Variants in LMX1A observed in about 807,000 individuals in gnomAD.
The protein encoded by LMX1A is LIM homeobox transcription factor 1-alpha.
A neutral mutation model predicts 49.1 loss-of-function variants in LMX1A; 15 were observed. That is an observed-to-expected ratio of 0.31 (90% CI 0.20 to 0.47). The LOEUF (loss-of-function observed/expected upper bound fraction) is 0.47, where lower values mean the gene tolerates loss of function less well. LMX1A is among the 20% of genes least tolerant of loss of function. LMX1A has a pLI of 1.00. For missense variants in LMX1A, 372 were observed against 475.8 expected, an observed-to-expected ratio of 0.78 and a Z score of 2.03; for synonymous variants, 167 against 185.7, an observed-to-expected ratio of 0.90 and a Z score of 0.82.
At chr1:165,352,916 C>A (rs909601923) in intron 3 of LMX1A, among the ~76,000 whole-genome samples, 160 bp downstream of exon 3, 11 of 152,270 alleles carry the variant, frequency 7.2e-5, no homozygotes, top group African/African-American at 2.7e-4. Flanking sequence ...CTACCACCTT[C>A]CCGTGAGGGG....
At chr1:165,254,133 A>G (rs1023697468) in intron 3 of LMX1A, among the ~76,000 whole-genome samples, 2 of 152,196 alleles carry the variant, frequency 1.3e-5, no homozygotes, top group Non-Finnish European at 2.9e-5. Flanking sequence ...CAGGGAGTCA[A>G]CAAGCACTTG....
chr1:165,294,767 C>G (rs1654569568), intron 3 of LMX1A, among the ~76,000 whole-genome samples: 1 of 152,158 alleles, frequency 6.6e-6, no homozygotes, highest in Non-Finnish European at 1.5e-5. Context: ...AATTCGAGAA[C>G]AGCCTGGCAA....
intron 3 of LMX1A, among the ~76,000 whole-genome samples, chr1:165,311,821 A>AG (rs1159708979): frequency 2.6e-5 from 4 of 152,206 alleles, no homozygotes; most frequent in Admixed American, 2.0e-4. Flanking sequence ...ATAAGGCCCA[A>AG]TTCCCTCAGA....
intron 6 of LMX1A, among the ~76,000 whole-genome samples, chr1:165,209,914 A>G (rs1651296114): frequency 6.6e-6 from 1 of 152,200 alleles, no homozygotes; most frequent in African/African-American, 2.4e-5. Flanking sequence ...TGAACCCTCA[A>G]CCTGTGAAAT....
intron 3 of LMX1A, among the ~76,000 whole-genome samples, chr1:165,273,811 G>C (rs1041290310): frequency 2.0e-5 from 3 of 152,330 alleles, no homozygotes; most frequent in Middle Eastern, 3.4e-3. Context: ...GAGAGTTCAA[G>C]ATGACGGTGC....
intron 3 of LMX1A, among the ~76,000 whole-genome samples, chr1:165,293,871 A>C (rs2101718125): frequency 6.6e-6 from 1 of 152,254 alleles, no homozygotes; most frequent in Non-Finnish European, 1.5e-5. Flanking sequence ...CCACCTCCTA[A>C]TACCATCATG....
At chr1:165,293,299 T>C (rs1356976378) in intron 3 of LMX1A, among the ~76,000 whole-genome samples, 1 of 152,166 alleles carries the variant, frequency 6.6e-6, no homozygotes, top group African/African-American at 2.4e-5. Flanking sequence ...TCAACTAACA[T>C]TGGATAAATG....
intron 3 of LMX1A, among the ~76,000 whole-genome samples, chr1:165,305,098 C>T (rs1654885250): frequency 6.6e-6 from 1 of 152,110 alleles, no homozygotes; most frequent in Non-Finnish European, 1.5e-5. Context: ...GTCTCTCTTG[C>T]GTGTGTATGT....
intron 3 of LMX1A, among the ~76,000 whole-genome samples, chr1:165,282,061 CT>C (rs1654167484): frequency 1.3e-5 from 2 of 152,190 alleles, no homozygotes. Flanking sequence ...AGACCACAGC[CT>C]TGCCACTCTG....
chr1:165,321,951 G>A lies in LMX1A; in HGVS notation c.263+31125C>T, dbSNP rs116399570. Among the ~76,000 whole-genome samples, 1,357 of 151,930 alleles carry A rather than the reference G, an allele frequency of 8.9e-3. 10 individuals carry two copies. Among genetic ancestry groups the A allele is most frequent in the South Asian group, 0.013 (65 of 4,818 alleles). ...AATCATATATAAGAGTCTAATATCC[G>A]GAATATATAGAGTGCTAAACAATTC... On this transcript the variant is annotated intron_variant, in intron 3 of 8. Transcript: ENST00000342310.
chr1:165,214,989 G>A (rs1651586294), intron 4 of LMX1A, among the ~76,000 whole-genome samples: 1 of 152,160 alleles, frequency 6.6e-6, no homozygotes, highest in South Asian at 2.1e-4. Context: ...GGGCATACCT[G>A]TGTAAGAGAG....
chr1:165,263,579 TG>T lies in LMX1A; in HGVS notation c.264-13940del, dbSNP rs1331479713. 3.9e-5 allele frequency among the ~76,000 whole-genome samples: 6 copies of T among 152,352 alleles called. No homozygotes were observed. In the East Asian group the frequency reaches 1.2e-3, roughly 29 times the overall value. On this transcript the variant is annotated intron_variant, in intron 3 of 8. Transcript: ENST00000342310. ...AGTCCTGCCTCCACCATATCTTCCC[TG>T]GGTTACCTCCACAACTTCCTCAATG...
intron 3 of LMX1A, among the ~76,000 whole-genome samples, chr1:165,275,715 G>A (rs757817276): frequency 2.0e-5 from 3 of 152,150 alleles, no homozygotes; most frequent in Non-Finnish European, 2.9e-5. Flanking sequence ...GCTGGTGGAG[G>A]GGACGAGGCA....
At chr1:165,212,839 C>A (rs2102602874) in intron 5 of LMX1A, 1 of 152,324 alleles carries the variant, frequency 6.6e-6, no homozygotes, top group African/African-American at 2.4e-5. Context: ...ACTTTCCCTG[C>A]AGGAAGTGTG....
At chr1:165,310,232 C>T (rs1655036913) in intron 3 of LMX1A, among the ~76,000 whole-genome samples, 1 of 152,188 alleles carries the variant, frequency 6.6e-6, no homozygotes, top group Non-Finnish European at 1.5e-5. Flanking sequence ...TGATGGGTGA[C>T]AAAATGATAC....
intron 4 of LMX1A, among the ~76,000 whole-genome samples, chr1:165,246,094 T>A (rs528926170): frequency 1.3e-5 from 2 of 152,242 alleles, no homozygotes; most frequent in East Asian, 3.9e-4. Context: ...GATCCTAAAG[T>A]TGTTTGCTTT....
At chr1:165,323,810 C>T (rs1157911015) in intron 3 of LMX1A, among the ~76,000 whole-genome samples, 2 of 151,596 alleles carry the variant, frequency 1.3e-5, no homozygotes, top group Non-Finnish European at 2.9e-5. Context: ...AATACTTTCA[C>T]ATCTGTGCTT....
chr1:165,352,738 G>C (rs1656469624), intron 3 of LMX1A, among the ~76,000 whole-genome samples: 1 of 152,242 alleles, frequency 6.6e-6, no homozygotes, highest in South Asian at 2.1e-4. Flanking sequence ...GGGAGACCAA[G>C]CTCGAGGGAT....
At chr1:165,205,839 C>T in intron 8 of LMX1A, 25 bp downstream of exon 8, 1 of 1,609,140 alleles carries the variant, frequency 6.2e-7, no homozygotes, top group Middle Eastern at 1.8e-4. Context: ...TATGAGAGGG[C>T]CCGAGGGGCT....
Sources: gnomAD v4.1 joint callset for allele counts (sites outside exome capture counted in the v4.1 genomes callset) on GRCh38, gnomAD v4.1.1 for gene constraint, MANE v1.5 for transcripts, NCBI Gene and HGNC (gene_info 2026-07-23, HGNC 2026-07-21) for gene names.